Variants in AP1M1 observed in about 807,000 individuals in gnomAD.
AP1M1 encodes AP-1 complex subunit mu-1.
Under a neutral mutation model 57.1 loss-of-function variants are expected in AP1M1, and 18 were observed. The observed-to-expected ratio is 0.32, with a 90% CI of 0.22 to 0.47. AP1M1 has a LOEUF of 0.47. Among genes scored for constraint, AP1M1 ranks in the 20% least tolerant of loss-of-function variants. The pLI, the probability that AP1M1 is intolerant of heterozygous loss-of-function variation, is 1.00. For missense variants in AP1M1, 362 were observed against 593.5 expected (o/e 0.61, Z 4.05); for synonymous variants, 241 against 237.9 (o/e 1.01, Z -0.12).
chr19:16,210,326 G>A (rs1213069368), intron 5 of AP1M1: 2 of 714,764 alleles, frequency 2.8e-6, no homozygotes, highest in South Asian at 3.0e-5. Context: ...TCGTGTCCAG[G>A]TTTATGTGTG....
chr19:16,228,939 T>C lies in AP1M1; in HGVS notation c.1047+11T>C, dbSNP rs1344630823. The C allele has an allele frequency of 6.2e-7, 1 of 1,611,422 alleles. No individual in the cohort carries two copies. The highest frequency in any genetic ancestry group is 8.5e-7 in the Non-Finnish European group (1 of 1,177,840). On this transcript the variant is annotated intron_variant, in intron 9 of 11. Coordinates refer to ENST00000291439, the MANE Select transcript of AP1M1 (RefSeq NM_032493.4). The surrounding 1 kb of genome is among the most constrained non-coding windows in gnomAD (Gnocchi z 5.0). Reference sequence around the variant, plus strand: ...ATCAAGTCCTTCCCGGTGAGCACTCTGTCCAGACATCCACGTGCCCCCTGC... The same window carrying C: ...ATCAAGTCCTTCCCGGTGAGCACTCCGTCCAGACATCCACGTGCCCCCTGC...
chr19:16,214,156 C>T (rs2091507725), intron 5 of AP1M1, among the ~76,000 whole-genome samples: 1 of 149,974 alleles, frequency 6.7e-6, no homozygotes, highest in South Asian at 2.1e-4. Context: ...TCAAGTGATT[C>T]TCCTGCCTCA....
intron 5 of AP1M1, among the ~76,000 whole-genome samples, chr19:16,223,317 G>T (rs1160021891): frequency 6.6e-6 from 1 of 152,198 alleles, no homozygotes; most frequent in Non-Finnish European, 1.5e-5. Flanking sequence ...TCAAACTATG[G>T]TATATGCACA....
Position 16,240,375 on chromosome 19 carries a change from A to T in AP1M1, c.*5940A>T, listed in dbSNP as rs1396817216. ...AGCAAGTATCTAACACAAACCAAAA[A>T]ATGAGAACTGGGGAGCAGCCACATG... On this transcript the variant is annotated 3_prime_UTR_variant, in exon 12 of 12. Coordinates refer to ENST00000291439, the MANE Select transcript of AP1M1 (RefSeq NM_032493.4). The T allele has an allele frequency of 1.3e-5, 2 of 152,094 alleles. No individual in the cohort carries two copies. Among genetic ancestry groups the T allele is most frequent in the African/African-American group, 4.8e-5 (2 of 41,418 alleles). The allele number at this position is 152,094 out of a possible 1,614,324, so 9.4% of individuals were successfully genotyped here.
intron 5 of AP1M1, among the ~76,000 whole-genome samples, chr19:16,216,199 G>C (rs773000934): frequency 2.0e-5 from 3 of 152,052 alleles, no homozygotes; most frequent in Admixed American, 6.6e-5. Context: ...AAGAACTCTT[G>C]CTTTGGGAGG....
chr19:16,205,310 T>C (rs768499789), intron 2 of AP1M1, among the ~76,000 whole-genome samples: 6 of 152,076 alleles, frequency 3.9e-5, no homozygotes, highest in Non-Finnish European at 7.4e-5. Context: ...CCCTCTGGCT[T>C]AGTGGACATC....
intron 5 of AP1M1, among the ~76,000 whole-genome samples, chr19:16,214,356 C>T (rs1351903236): frequency 4.5e-5 from 6 of 131,984 alleles, no homozygotes; most frequent in Non-Finnish European, 7.9e-5. Context: ...TGCACCCGGC[C>T]TTTTTTTTTT....
rs2091456695 is a variant in AP1M1, at chr19:16,203,371, C to G, written c.43-88C>G. 7 of 1,408,390 alleles carry G rather than the reference C, an allele frequency of 5.0e-6. No individual in the cohort carries two copies. The South Asian group carries it at 7.2e-5, about 14-fold the overall frequency. 87.2% of individuals were successfully genotyped at this position (1,408,390 alleles called of 1,614,324 possible). On this transcript the variant is annotated intron_variant, in intron 1 of 11. Coordinates refer to ENST00000291439, the MANE Select transcript of AP1M1 (RefSeq NM_032493.4). This position sits in a 1 kb window ranked among gnomAD's most constrained non-coding sequence, Gnocchi z 4.6. ...CATGACCGGAGTCCCCAGAGCGAAG[C>G]AGGGTGGTGCATCTCACCCCCTGCC...
chr19:16,232,919 C>T (rs2091605427), intron 9 of AP1M1, among the ~76,000 whole-genome samples: 2 of 152,342 alleles, frequency 1.3e-5, no homozygotes, highest in African/African-American at 4.8e-5. Flanking sequence ...GTCAGAGCCA[C>T]AGCCACCCCC....
chr19:16,222,998 C>G (rs285276), intron 5 of AP1M1, among the ~76,000 whole-genome samples: 2,622 of 152,230 alleles, frequency 0.017, 68 homozygotes, highest in African/African-American at 0.06. Flanking sequence ...GTTTTCCAGG[C>G]AAGTTGACAT....
intron 5 of AP1M1, among the ~76,000 whole-genome samples, chr19:16,222,748 C>T (rs961989518): frequency 3.3e-5 from 5 of 152,030 alleles, no homozygotes; most frequent in Non-Finnish European, 5.9e-5. Context: ...GCTGAGACCA[C>T]AGGCACGCAC....
Position 16,197,981 on chromosome 19 carries a change from C to CCGCCGCCACCGCCCTCGGCCGCTGT in AP1M1, c.-22_-21insTCGCCGCCACCGCCCTCGGCCGCTG, listed in dbSNP as rs2091430830. On this transcript the variant is annotated 5_prime_UTR_variant, in exon 1 of 12. Transcript: ENST00000291439. ...CGCCCAGCAGTCCCCACCGTCGCTG[C>CCGCCGCCACCGCCCTCGGCCGCTGT]CGCCGCCACCGCCCTCGGCCGCTGC... The CCGCCGCCACCGCCCTCGGCCGCTGT allele has an allele frequency of 3.9e-6, 6 of 1,528,846 alleles. No individual in the cohort carries two copies. The South Asian group carries it at 4.8e-5, about 12-fold the overall frequency. The allele number at this position is 1,528,846 out of a possible 1,614,324, so 94.7% of individuals were successfully genotyped here.
Position 16,230,743 on chromosome 19 carries a change from G to A in AP1M1, c.1047+1815G>A, listed in dbSNP as rs570965364. On this transcript the variant is annotated intron_variant, in intron 9 of 11. Coordinates refer to ENST00000291439, the MANE Select transcript of AP1M1 (RefSeq NM_032493.4). ...TGCACTGGGAAACCAAAAAATGTGT[G>A]TGACTTGCCTAACTGTGCTATGTGC... Among the ~76,000 whole-genome samples the A allele has an allele frequency of 2.0e-5, 3 of 152,294 alleles. No homozygotes were observed. The South Asian group carries it at 6.2e-4, about 32-fold the overall frequency.
At chr19:16,216,285 A>G (rs1186922885) in intron 5 of AP1M1, among the ~76,000 whole-genome samples, 2 of 152,106 alleles carry the variant, frequency 1.3e-5, no homozygotes, top group Non-Finnish European at 1.5e-5. Flanking sequence ...CTCTACTAAA[A>G]ATACAAAAAA....
At chr19:16,234,302 GGTT>G (rs763840006) in intron 11 of AP1M1, 28 bp downstream of exon 11, 15 of 1,613,278 alleles carry the variant, frequency 9.3e-6, no homozygotes, top group Non-Finnish European at 1.3e-5. Flanking sequence ...CGTGGGGTGG[GGTT>G]GTACTGAGGG....
intron 5 of AP1M1, among the ~76,000 whole-genome samples, chr19:16,212,740 G>A (rs923976676): frequency 1.3e-5 from 2 of 152,208 alleles, no homozygotes; most frequent in African/African-American, 4.8e-5. Context: ...ATGTAGTGCT[G>A]TAAATTTCTC....
At chr19:16,210,295 A>G (rs549888274) in intron 5 of AP1M1, 15 of 689,830 alleles carry the variant, frequency 2.2e-5, no homozygotes, top group South Asian at 1.1e-4. Context: ...GGCAATTGTC[A>G]ATAGAGTTGC....
At chr19:16,202,345 T>C (rs934664182) in intron 1 of AP1M1, among the ~76,000 whole-genome samples, 4 of 152,174 alleles carry the variant, frequency 2.6e-5, no homozygotes, top group African/African-American at 9.7e-5. Context: ...ACCGCAGCCA[T>C]GCCCAGGCTA....
intron 5 of AP1M1, among the ~76,000 whole-genome samples, chr19:16,222,699 G>A (rs1027545549): frequency 6.6e-6 from 1 of 151,556 alleles, no homozygotes; most frequent in Non-Finnish European, 1.5e-5. Flanking sequence ...CCTCAACCTC[G>A]TGTGTTCAAG....
Sources: allele counts gnomAD v4.1 joint callset (sites outside exome capture counted in the v4.1 genomes callset), GRCh38; gene constraint gnomAD v4.1.1; non-coding constraint Gnocchi (gnomAD v3.1); transcripts MANE v1.5; gene names NCBI Gene and HGNC (gene_info 2026-07-23, HGNC 2026-07-21).